The following SGCZ variants were observed in gnomAD, a reference collection of about 807,000 sequenced individuals.
SGCZ encodes the protein zeta-sarcoglycan.
In SGCZ, 40 loss-of-function variants were observed where a neutral mutation model predicts 41.3. That is an observed-to-expected ratio of 0.97 (90% CI 0.75 to 1.26). SGCZ has a LOEUF of 1.26. Among genes scored for constraint, SGCZ ranks in the 50% most tolerant of loss-of-function variants. The pLI is 0.00. For synonymous variants in SGCZ, 206 were observed against 137.5 expected (o/e 1.50, Z -3.49); for missense variants, 552 against 369.8 (o/e 1.49, Z -4.04).
intron 1 of SGCZ, among the ~76,000 whole-genome samples, chr8:14,594,633 T>C (rs923220306): frequency 6.6e-6 from 1 of 151,942 alleles, no homozygotes; most frequent in Admixed American, 6.6e-5. Flanking sequence ...TCCTAATTGA[T>C]GTATTTATTT....
intron 1 of SGCZ, among the ~76,000 whole-genome samples, chr8:15,009,741 C>T (rs552712745): frequency 2.6e-5 from 4 of 152,260 alleles, no homozygotes; most frequent in African/African-American, 7.2e-5. Context: ...CTCTTCATAT[C>T]TATATGAGAC....
chr8:14,870,846 T>G (rs1328965943), intron 1 of SGCZ, among the ~76,000 whole-genome samples: 1 of 152,054 alleles, frequency 6.6e-6, no homozygotes, highest in Non-Finnish European at 1.5e-5. Flanking sequence ...CACTGGTCGT[T>G]AGAGAAATTC....
intron 1 of SGCZ, among the ~76,000 whole-genome samples, chr8:15,234,703 C>G (rs1231765666): frequency 6.6e-6 from 1 of 152,126 alleles, no homozygotes; most frequent in African/African-American, 2.4e-5. Context: ...AAAGAAAACA[C>G]TATTGACACT....
intron 1 of SGCZ, among the ~76,000 whole-genome samples, chr8:14,811,412 G>C (rs1045955464): frequency 6.7e-5 from 10 of 148,816 alleles, no homozygotes; most frequent in African/African-American, 2.5e-4. Context: ...TTTGTTTATA[G>C]ATGAAAAATA....
At chr8:15,071,934 C>T (rs1805366004) in intron 1 of SGCZ, among the ~76,000 whole-genome samples, 1 of 152,154 alleles carries the variant, frequency 6.6e-6, no homozygotes, top group Admixed American at 6.5e-5. Context: ...CAGAGGCAGA[C>T]AACTTCTTTC....
chr8:14,228,493 A>G (rs1806450821), intron 4 of SGCZ, among the ~76,000 whole-genome samples: 1 of 152,114 alleles, frequency 6.6e-6, no homozygotes, highest in Non-Finnish European at 1.5e-5. Flanking sequence ...AGATATACTC[A>G]TATTTTGAAT....
intron 1 of SGCZ, among the ~76,000 whole-genome samples, chr8:14,784,913 A>AAATATATATATATAT (rs1408574493): frequency 1.1e-5 from 1 of 88,038 alleles, no homozygotes; most frequent in African/African-American, 4.7e-5. Flanking sequence ...AAAAAAAAAA[A>AAATATATATATATAT]ATATATATAT....
At chr8:15,224,144 C>A (rs1801696385) in intron 1 of SGCZ, among the ~76,000 whole-genome samples, 1 of 152,176 alleles carries the variant, frequency 6.6e-6, no homozygotes, top group Admixed American at 6.5e-5. Flanking sequence ...GCGTGAGCCA[C>A]CATGCCCAGC....
intron 3 of SGCZ, among the ~76,000 whole-genome samples, chr8:14,279,190 G>C (rs1800339124): frequency 6.8e-6 from 1 of 147,190 alleles, no homozygotes; most frequent in Non-Finnish European, 1.5e-5. Context: ...TGAGGAGCAA[G>C]GGGGGAAAGG....
intron 1 of SGCZ, among the ~76,000 whole-genome samples, chr8:15,207,969 C>T (rs566111597): frequency 3.3e-5 from 5 of 152,084 alleles, no homozygotes; most frequent in Non-Finnish European, 7.4e-5. Flanking sequence ...CTGTCATTTC[C>T]TTTGTTTGCT....
chr8:15,046,493 G>A (rs1804305098), intron 1 of SGCZ, among the ~76,000 whole-genome samples: 1 of 151,924 alleles, frequency 6.6e-6, no homozygotes, highest in Non-Finnish European at 1.5e-5. Flanking sequence ...TTTGGCCAGT[G>A]AAGCCTCTGC....
At chr8:14,110,439 CA>C (rs1219489676) in intron 5 of SGCZ, among the ~76,000 whole-genome samples, 1 of 152,048 alleles carries the variant, frequency 6.6e-6, no homozygotes, top group Non-Finnish European at 1.5e-5. Flanking sequence ...AGAATGTCAT[CA>C]AAGTTTAAAT....
intron 1 of SGCZ, among the ~76,000 whole-genome samples, chr8:14,586,469 T>C (rs1805061210): frequency 6.6e-6 from 1 of 152,178 alleles, no homozygotes; most frequent in African/African-American, 2.4e-5. Flanking sequence ...CGCCTAGGCT[T>C]TCCAAAGTGT....
chr8:14,933,810 A>C (rs1391783683), intron 1 of SGCZ, among the ~76,000 whole-genome samples: 1 of 152,038 alleles, frequency 6.6e-6, no homozygotes, highest in Non-Finnish European at 1.5e-5. Context: ...GCTATGGCTA[A>C]TATCTAGTCT....
At chr8:15,097,802 A>ATATATATATATACGTGTGTG (rs1585559500) in intron 1 of SGCZ, among the ~76,000 whole-genome samples, 1 of 101,806 alleles carries the variant, frequency 9.8e-6, no homozygotes, top group African/African-American at 5.6e-5. Context: ...ATATACGTGT[A>ATATATATATATACGTGTGTG]TATATATATA....
chr8:14,530,078 G>A (rs919122523), intron 2 of SGCZ, among the ~76,000 whole-genome samples: 2 of 151,846 alleles, frequency 1.3e-5, no homozygotes, highest in African/African-American at 2.4e-5. Context: ...TCTGAAAGAC[G>A]CTAAATAAAT....
chr8:14,765,252 G>C (rs1800003901), intron 1 of SGCZ, among the ~76,000 whole-genome samples: 1 of 152,204 alleles, frequency 6.6e-6, no homozygotes, highest in African/African-American at 2.4e-5. Flanking sequence ...ACTCATAAAA[G>C]AAGCTGAAAT....
rs565597065 is a variant in SGCZ, at chr8:14,401,688, T to G, written c.235-77484A>C. On this transcript the variant is annotated intron_variant, in intron 2 of 7. Coordinates refer to ENST00000382080, the MANE Select transcript of SGCZ (RefSeq NM_139167.4). ...ACATTTTCTTGATCCAGTCTATCATTGTTGGACATTTGGGTTGGTTCCAAG... is the reference window on the plus strand; with the variant it reads ...ACATTTTCTTGATCCAGTCTATCATGGTTGGACATTTGGGTTGGTTCCAAG... Among the ~76,000 whole-genome samples the G allele has an allele frequency of 3.7e-4, 56 of 151,942 alleles. 1 individual carries two copies. The South Asian group carries it at 0.011, about 30-fold the overall frequency.
At chr8:14,747,008 C>T (rs545995179) in intron 1 of SGCZ, among the ~76,000 whole-genome samples, 17 of 152,264 alleles carry the variant, frequency 1.1e-4, no homozygotes, top group Admixed American at 2.0e-4. Flanking sequence ...TAGCAGTTTT[C>T]CTGGGAACAA....
Sources: gnomAD v4.1 joint callset for allele counts (sites outside exome capture counted in the v4.1 genomes callset) on GRCh38, gnomAD v4.1.1 for gene constraint, MANE v1.5 for transcripts, NCBI Gene and HGNC (gene_info 2026-07-23, HGNC 2026-07-21) for gene names.